The following MARVELD2 variants were observed in gnomAD, a reference collection of about 807,000 sequenced individuals.
MARVELD2 encodes the protein MARVEL domain containing 2.
In MARVELD2, 49 loss-of-function variants were observed where a neutral mutation model predicts 57.6. The observed-to-expected ratio is 0.85, with a 90% CI of 0.68 to 1.08. The LOEUF is 1.08. Among genes scored for constraint, MARVELD2 ranks in the 50% least tolerant of loss-of-function variants. The pLI is 0.00. For missense variants in MARVELD2, 606 were observed against 701.1 expected, an observed-to-expected ratio of 0.86 and a Z score of 1.53; for synonymous variants, 238 against 258.8, an observed-to-expected ratio of 0.92 and a Z score of 0.77.
rs1309392330 is a variant in MARVELD2 at position 69,442,133 on chromosome 5, T to TTCA, written c.*481_*483dup. 2 of 153,998 alleles carry TTCA rather than the reference T, an allele frequency of 1.3e-5. No individual in the cohort carries two copies. Among genetic ancestry groups the TTCA allele is most frequent in the Admixed American group, 1.3e-4 (2 of 15,468 alleles). 9.5% of individuals were successfully genotyped at this position (153,998 alleles called of 1,614,324 possible). On this transcript the variant is annotated 3_prime_UTR_variant, in exon 7 of 7. Transcript: ENST00000325631. ...TGTTCATCTTTCATCTGTGACCAAT[T>TTCA]TCATATTCATCTATCTCATTTAAAT...
chr5:69,433,001 G>C lies in MARVELD2; in HGVS notation c.1411G>C (p.Glu471Gln). Residue 471 changes from glutamate to glutamine, a missense_variant, in exon 5 of 7, where the codon GAG (glutamate) becomes CAG (glutamine). Transcript: ENST00000325631. ...CCAAGACCAGTTTTCAGAGTACAAA[G>C]AGCTGTCTGCAGAAGTTCAGGCTGT... is the stretch of plus-strand genomic sequence containing the variant. ...VFQDQFSEYKELSAEVQAVLR... is the reference protein window; with the variant it reads ...VFQDQFSEYKQLSAEVQAVLR... The C allele has an allele frequency of 6.2e-7, 1 of 1,614,214 alleles. No individual in the cohort carries two copies. The highest frequency in any genetic ancestry group is 8.5e-7 in the Non-Finnish European group (1 of 1,180,044).
chr5:69,420,346 T>A lies in MARVELD2; in HGVS notation c.961T>A (p.Cys321Ser). Reference sequence around the variant, plus strand: ...GAATGATACCAACCGAGGTGGCCTCTGCTACTATCCGTTATTTAATACACC... The same window carrying A: ...GAATGATACCAACCGAGGTGGCCTCAGCTACTATCCGTTATTTAATACACC... ...YVNDTNRGGL[C>S]YYPLFNTPVN... The change falls in exon 2 of 7, where the codon TGC becomes AGC. Residue 321 changes from cysteine to serine, a missense_variant. Cys to Ser is a moderately radical substitution (Grantham distance 112, BLOSUM62 -1). Transcript: ENST00000325631. 6.2e-7 allele frequency: 1 copy of A among 1,614,232 alleles called. No homozygotes were observed. The highest frequency in any genetic ancestry group is 8.5e-7 in the Non-Finnish European group (1 of 1,180,038).
At chr5:69,438,501 C>G (rs1461453463) in intron 5 of MARVELD2, among the ~76,000 whole-genome samples, 15 of 152,142 alleles carry the variant, frequency 9.9e-5, no homozygotes, top group Admixed American at 9.8e-4. Context: ...GTAATCCCCA[C>G]ACTTTGAGAG....
At chr5:69,423,157 G>T (rs113280454) in intron 2 of MARVELD2, among the ~76,000 whole-genome samples, 2 of 152,134 alleles carry the variant, frequency 1.3e-5, no homozygotes, top group Admixed American at 1.3e-4. Flanking sequence ...TGGCCTCCCA[G>T]AGTGATAGGA....
At position 69,419,706 on chromosome 5, in the gene MARVELD2, G is replaced by A. The variant is rs1766546156; in HGVS notation, c.321G>A (p.Arg107=). Residue 107 remains arginine, a synonymous_variant, in exon 2 of 7, where the codon AGG becomes AGA. Coordinates refer to ENST00000325631, the MANE Select transcript of MARVELD2 (RefSeq NM_001038603.3). The stretch of plus-strand genomic sequence containing the variant: ...GGGATAAGCCGGTGTCTGATATCAG[G>A]TACATCTCCGATGGAGTGGAGTGTT... ...PEWDKPVSDI[R]YISDGVECSP... 1 of 1,614,138 alleles carries A rather than the reference G, an allele frequency of 6.2e-7. No homozygotes were observed. Among genetic ancestry groups the A allele is most frequent in the Non-Finnish European group, 8.5e-7 (1 of 1,180,048 alleles).
chr5:69,432,684 C>T lies in MARVELD2; in HGVS notation c.1331+9C>T. ...ATGCCCGACTATGTGGCGTGAGTGT[C>T]AGTCTGAATTCTTCCTCAAGGTAGA... is the stretch of plus-strand genomic sequence containing the variant. On this transcript the variant is annotated intron_variant, in intron 4 of 6. Transcript: ENST00000325631. The T allele has an allele frequency of 6.2e-7, 1 of 1,613,994 alleles. No homozygotes were observed. The highest frequency in any genetic ancestry group is 8.5e-7 in the Non-Finnish European group (1 of 1,179,898).
At chr5:69,436,308 C>T (rs549121084) in intron 5 of MARVELD2, among the ~76,000 whole-genome samples, 108 of 151,424 alleles carry the variant, frequency 7.1e-4, no homozygotes, top group African/African-American at 2.2e-3. Context: ...TTGCAGTGAG[C>T]CAAGATCATG....
In MARVELD2 at chr5:69,440,567, T is replaced by C. The variant is rs1017655756; in HGVS notation, c.1554+67T>C. The C allele has an allele frequency of 5.5e-6, 5 of 910,632 alleles. No individual in the cohort carries two copies. The African/African-American group carries it at 6.6e-5, about 12-fold the overall frequency. The allele number at this position is 910,632 out of a possible 1,614,324, so 56.4% of individuals were successfully genotyped here. ...TACATATGTGATAATTTACAGACTC[T>C]AGATTCTGTTAGCTAAAATAGTTCC... On this transcript the variant is annotated intron_variant, in intron 6 of 6. Coordinates refer to ENST00000325631, the MANE Select transcript of MARVELD2 (RefSeq NM_001038603.3).
rs377586183 is a variant in MARVELD2 at position 69,441,533 on chromosome 5, A to T, written c.1556A>T (p.Asp519Val). Reference sequence around the variant, plus strand: ...ATAATACTTATATTTCTTTTACAGGATCCTACATTTCTGGAAAAAAAAGAA... The same window carrying T: ...ATAATACTTATATTTCTTTTACAGGTTCCTACATTTCTGGAAAAAAAAGAA... Reference protein sequence around the residue: ...IHEEFKKKKNDPTFLEKKERC... With the variant: ...IHEEFKKKKNVPTFLEKKERC... Residue 519 changes from aspartate (D) to valine (V), a missense_variant and splice_region_variant, in exon 7 of 7, where the codon GAT becomes GTT. By Grantham distance (152) the Asp-to-Val change is radical. Coordinates refer to ENST00000325631, the MANE Select transcript of MARVELD2 (RefSeq NM_001038603.3). 2 of 1,610,820 alleles carry T rather than the reference A, an allele frequency of 1.2e-6. No individual in the cohort carries two copies. Among genetic ancestry groups the T allele is most frequent in the Admixed American group, 1.7e-5 (1 of 59,766 alleles).
At chr5:69,440,208 C>A (rs968262557) in intron 5 of MARVELD2, among the ~76,000 whole-genome samples, 5 of 152,130 alleles carry the variant, frequency 3.3e-5, no homozygotes, top group Admixed American at 6.6e-5. Context: ...ATGTATCCTC[C>A]CTAAGGGCCT....
chr5:69,432,685 A>G lies in MARVELD2; in HGVS notation c.1331+10A>G, dbSNP rs199660704. 3 of 1,613,890 alleles carry G rather than the reference A, an allele frequency of 1.9e-6. No individual in the cohort carries two copies. Among genetic ancestry groups the G allele is most frequent in the South Asian group, 1.1e-5 (1 of 91,082 alleles). ...TGCCCGACTATGTGGCGTGAGTGTC[A>G]GTCTGAATTCTTCCTCAAGGTAGAA... On this transcript the variant is annotated intron_variant, in intron 4 of 6. Transcript: ENST00000325631.
At position 69,432,557 on chromosome 5, in the gene MARVELD2, A is replaced by C; in HGVS notation, c.1213A>C (p.Arg405=). 5 of 1,614,210 alleles carry C rather than the reference A, an allele frequency of 3.1e-6. No homozygotes were observed. Among genetic ancestry groups the C allele is most frequent in the Non-Finnish European group, 4.2e-6 (5 of 1,180,022 alleles). Residue 405 remains arginine, a synonymous_variant, in exon 4 of 7, where the codon AGA becomes CGA. Transcript: ENST00000325631. ...AATGGCCACCAGTGGTGACAGACAAAGAGACTCAGAAGTTAATTTCAAGGA... is the reference window on the plus strand; with the variant it reads ...AATGGCCACCAGTGGTGACAGACAACGAGACTCAGAAGTTAATTTCAAGGA... ...CEMATSGDRQ[R]DSEVNFKELR...
chr5:69,424,733 T>G, intron 3 of MARVELD2, 97 bp downstream of exon 3: 1 of 1,002,860 alleles, frequency 1.0e-6, no homozygotes, highest in Non-Finnish European at 1.5e-6. Context: ...ATCTGTGAAA[T>G]GTAGCTATTG....
intron 2 of MARVELD2, among the ~76,000 whole-genome samples, chr5:69,421,794 CTTT>C (rs1409875482): frequency 6.0e-5 from 8 of 132,822 alleles, no homozygotes; most frequent in Non-Finnish European, 6.5e-5. Context: ...TCTTTTCTTT[CTTT>C]TTTTTTTTTT....
At chr5:69,419,100 A>G in intron 1 of MARVELD2, 1 of 494,216 alleles carries the variant, frequency 2.0e-6, no homozygotes, top group East Asian at 3.7e-5. Context: ...TAGTTTTTGT[A>G]TTTTTAGTAG....
rs753049521 is a variant in MARVELD2 at position 69,440,428 on chromosome 5, G to A, written c.1504-22G>A. ...AGTAAATGCAAATGTTTTAACTTAA[G>A]TATACAATGTATTATTTTTAGGAAC... On this transcript the variant is annotated intron_variant, in intron 5 of 6. Coordinates refer to ENST00000325631, the MANE Select transcript of MARVELD2 (RefSeq NM_001038603.3). The A allele has an allele frequency of 1.4e-5, 16 of 1,161,204 alleles. No individual in the cohort carries two copies. The African/African-American group carries it at 2.4e-4, about 18-fold the overall frequency. The allele number at this position is 1,161,204 out of a possible 1,614,324, so 71.9% of individuals were successfully genotyped here. A position where few individuals can be genotyped will look rare whatever the true frequency, so the allele number is the denominator to read the frequency against.
At chr5:69,420,647 T>C in intron 2 of MARVELD2, 116 bp downstream of exon 2, 1 of 1,037,598 alleles carries the variant, frequency 9.6e-7, no homozygotes, top group Middle Eastern at 3.1e-4. Context: ...AAATCTTTTC[T>C]TTCTTCCTTT....
chr5:69,426,625 G>T (rs551406653), intron 3 of MARVELD2, among the ~76,000 whole-genome samples: 1 of 151,824 alleles, frequency 6.6e-6, no homozygotes, highest in African/African-American at 2.4e-5. Context: ...GAGTCACCGC[G>T]CCCGGCCTGG....
intron 3 of MARVELD2, among the ~76,000 whole-genome samples, chr5:69,431,630 C>T (rs1766966019): frequency 6.6e-6 from 1 of 152,028 alleles, no homozygotes; most frequent in African/African-American, 2.4e-5. Flanking sequence ...GCATCATCCA[C>T]CTTTGACATG....
Sources: allele counts gnomAD v4.1 joint callset (sites outside exome capture counted in the v4.1 genomes callset), GRCh38; gene constraint gnomAD v4.1.1; transcripts MANE v1.5; gene names NCBI Gene and HGNC (gene_info 2026-07-23, HGNC 2026-07-21).